The following KRIT1 variants were observed in gnomAD, a reference collection of about 807,000 sequenced individuals.
The protein encoded by KRIT1 is krev interaction trapped protein 1.
A neutral mutation model predicts 95.8 loss-of-function variants in KRIT1; 45 were observed. The observed-to-expected ratio is 0.47, with a 90% CI of 0.37 to 0.60. KRIT1 has a LOEUF of 0.60. Among genes scored for constraint, KRIT1 ranks in the 20% least tolerant of loss-of-function variants. The pLI, the probability that KRIT1 is intolerant of heterozygous loss-of-function variation, is 0.00. For synonymous variants in KRIT1, 282 were observed against 278.8 expected, an observed-to-expected ratio of 1.01 and a Z score of -0.11; for missense variants, 788 against 877.5, an observed-to-expected ratio of 0.90 and a Z score of 1.29.
intron 5 of KRIT1, among the ~76,000 whole-genome samples, chr7:92,240,171 G>A (rs987753030): frequency 1.4e-4 from 22 of 152,144 alleles, no homozygotes; most frequent in Non-Finnish European, 2.2e-4. Flanking sequence ...GCTCAGTTAT[G>A]TATCTCTAGA....
chr7:92,213,050 T>G (rs1793212191), intron 17 of KRIT1, 145 bp downstream of exon 17: 1 of 622,528 alleles, frequency 1.6e-6, no homozygotes, highest in South Asian at 1.9e-5. Flanking sequence ...CTGACAGTGA[T>G]TTAGTGTCCC....
At chr7:92,228,321 C>A (rs1796618890) in intron 10 of KRIT1, among the ~76,000 whole-genome samples, 1 of 152,174 alleles carries the variant, frequency 6.6e-6, no homozygotes, top group South Asian at 2.1e-4. Context: ...AGGCTGCACT[C>A]TGAAGCAAGG....
At position 92,200,076 on chromosome 7, in the gene KRIT1, C is replaced by T. The variant is rs1229481720; in HGVS notation, c.*660G>A. The T allele has an allele frequency of 6.6e-6, 1 of 152,654 alleles. No homozygotes were observed. Among genetic ancestry groups the T allele is most frequent in the Non-Finnish European group, 1.5e-5 (1 of 68,088 alleles). 9.5% of individuals were successfully genotyped at this position (152,654 alleles called of 1,614,324 possible). A position where few individuals can be genotyped will look rare whatever the true frequency, so the allele number is the denominator to read the frequency against. ...TTGACGTTCAGTATATTTTGAAATA[C>T]ACATGAAGTTATACCAAAGCTACAT... On this transcript the variant is annotated 3_prime_UTR_variant, in exon 19 of 19. Transcript: ENST00000394505.
In KRIT1 at chr7:92,234,796, C is replaced by T. The variant is rs772909155; in HGVS notation, c.845+12G>A. ...TTTATAAAAGCAATGTGGAGTAAAA[C>T]CGAAACAGTACTTGTCTTCTGTGAC... On this transcript the variant is annotated intron_variant, in intron 9 of 18. Transcript: ENST00000394505. 3 of 1,464,536 alleles carry T rather than the reference C, an allele frequency of 2.0e-6. No homozygotes were observed. Among genetic ancestry groups the T allele is most frequent in the Admixed American group, 3.3e-5 (2 of 59,850 alleles). The allele number at this position is 1,464,536 out of a possible 1,614,324, so 90.7% of individuals were successfully genotyped here. A position where few individuals can be genotyped will look rare whatever the true frequency, so the allele number is the denominator to read the frequency against.
At chr7:92,233,551 C>T (rs1037786127) in intron 10 of KRIT1, among the ~76,000 whole-genome samples, 41 of 151,874 alleles carry the variant, frequency 2.7e-4, no homozygotes, top group Admixed American at 9.2e-4. Flanking sequence ...GGATTACAGG[C>T]GTGCACCACC....
chr7:92,240,936 G>T, intron 5 of KRIT1, 57 bp downstream of exon 5: 4 of 1,331,666 alleles, frequency 3.0e-6, no homozygotes, highest in Non-Finnish European at 3.2e-6. Context: ...ATTTTTAAAA[G>T]AATCTTTCTC....
At chr7:92,232,830 A>G (rs554613304) in intron 10 of KRIT1, among the ~76,000 whole-genome samples, 23 of 152,234 alleles carry the variant, frequency 1.5e-4, no homozygotes, top group African/African-American at 5.5e-4. Context: ...AGTAGCTGGG[A>G]CTACAGGCAC....
At chr7:92,222,801 A>G in intron 13 of KRIT1, 21 bp downstream of exon 13, 1 of 1,472,794 alleles carries the variant, frequency 6.8e-7, no homozygotes, top group South Asian at 1.1e-5. Context: ...GTTTACTATA[A>G]CATAATAAAA....
At chr7:92,234,741 TA>T (rs1408561591) in intron 9 of KRIT1, 66 bp downstream of exon 9, 18 of 1,161,872 alleles carry the variant, frequency 1.5e-5, no homozygotes, top group Non-Finnish European at 5.2e-6. Flanking sequence ...TATATAATTT[TA>T]AACAATACTT....
At chr7:92,243,519 C>G (rs1282413676) in intron 3 of KRIT1, among the ~76,000 whole-genome samples, 1 of 151,214 alleles carries the variant, frequency 6.6e-6, no homozygotes, top group African/African-American at 2.4e-5. Flanking sequence ...CAAGATAGAC[C>G]ATTTTCAAGA....
chr7:92,216,669 T>C (rs1258052416), intron 14 of KRIT1, among the ~76,000 whole-genome samples: 1 of 152,106 alleles, frequency 6.6e-6, no homozygotes, highest in African/African-American at 2.4e-5. Context: ...AGAAAGTAAA[T>C]ACACTAAACC....
At chr7:92,216,705 T>A (rs961559239) in intron 14 of KRIT1, among the ~76,000 whole-genome samples, 1 of 152,212 alleles carries the variant, frequency 6.6e-6, no homozygotes, top group Non-Finnish European at 1.5e-5. Context: ...TGTGATCTAA[T>A]GAATGGTAAA....
In KRIT1 at chr7:92,213,993, T is replaced by A. The variant is rs748244223; in HGVS notation, c.1731-14A>T. ...AGATTTTCTTCACTGTAAGCACACA[T>A]GCCAACATCCTTTAAATAAATCATC... is the stretch of plus-strand genomic sequence containing the variant. On this transcript the variant is annotated splice_polypyrimidine_tract_variant and intron_variant, in intron 15 of 18. Transcript: ENST00000394505. 2 of 1,486,642 alleles carry A rather than the reference T, an allele frequency of 1.3e-6. No individual in the cohort carries two copies. Among genetic ancestry groups the A allele is most frequent in the Non-Finnish European group, 1.9e-6 (2 of 1,063,962 alleles). 92.1% of individuals were successfully genotyped at this position (1,486,642 alleles called of 1,614,324 possible).
At chr7:92,229,941 A>T (rs563480400) in intron 10 of KRIT1, among the ~76,000 whole-genome samples, 2 of 152,342 alleles carry the variant, frequency 1.3e-5, no homozygotes, top group East Asian at 3.9e-4. Context: ...ATGTAAAATC[A>T]TCTCACTGAA....
chr7:92,218,105 T>C (rs1794361690), intron 14 of KRIT1, among the ~76,000 whole-genome samples: 1 of 152,092 alleles, frequency 6.6e-6, no homozygotes, highest in Non-Finnish European at 1.5e-5. Context: ...CAGCCTAGAG[T>C]ACAGTGGATG....
chr7:92,235,531 G>T lies in KRIT1; in HGVS notation c.601C>A (p.Gln201Lys). 6.2e-7 allele frequency: 1 copy of T among 1,613,846 alleles called. No individual in the cohort carries two copies. The highest frequency in any genetic ancestry group is 1.1e-5 in the South Asian group (1 of 91,038). The change falls in exon 8 of 19, where the codon CAG (glutamine) becomes AAG (lysine). Residue 201 changes from glutamine (Q) to lysine (K), a missense_variant. Coordinates refer to ENST00000394505, the MANE Select transcript of KRIT1 (RefSeq NM_194454.3). ...INPAYATESG[Q>K]TENSLHMGYS... ...CCCATATGTAGTGAGTTTTCTGTCT[G>T]ACCTGATTCAGTAGCATATGCAGGA...
At chr7:92,239,456 AT>A (rs771409913) in intron 5 of KRIT1, among the ~76,000 whole-genome samples, 40 of 152,332 alleles carry the variant, frequency 2.6e-4, no homozygotes, top group Non-Finnish European at 4.9e-4. Context: ...ACAATCTGGC[AT>A]TAGTAAAATA....
intron 7 of KRIT1, 29 bp from the exon 8 acceptor site, chr7:92,235,675 A>G (rs1798293277): frequency 1.2e-6 from 2 of 1,611,290 alleles, no homozygotes; most frequent in Non-Finnish European, 1.7e-6. Flanking sequence ...AGGTAGAAGT[A>G]GCCATTCGAA....
chr7:92,219,036 T>C (rs1464639998), intron 14 of KRIT1, among the ~76,000 whole-genome samples: 1 of 152,202 alleles, frequency 6.6e-6, no homozygotes, highest in Non-Finnish European at 1.5e-5. Context: ...AGTCTCACTT[T>C]GTCACCCAGG....
Sources: gnomAD v4.1 joint callset for allele counts (sites outside exome capture counted in the v4.1 genomes callset) on GRCh38, gnomAD v4.1.1 for gene constraint, MANE v1.5 for transcripts, NCBI Gene and HGNC (gene_info 2026-07-23, HGNC 2026-07-21) for gene names.